SLC12A3: variants seen among roughly 807,000 people sequenced by gnomAD.
The protein encoded by SLC12A3 is solute carrier family 12 member 3, also known as Na-Cl cotransporter.
In SLC12A3, 104 loss-of-function variants were observed where a neutral mutation model predicts 121.0. The observed-to-expected ratio is 0.86, with a 90% CI of 0.73 to 1.01. The LOEUF is 1.01. Ranked by LOEUF, SLC12A3 falls within the 50% of genes least tolerant of loss-of-function variation. The pLI, the probability that SLC12A3 is intolerant of heterozygous loss-of-function variation, is 0.00. For synonymous variants in SLC12A3, 536 were observed against 533.4 expected, an observed-to-expected ratio of 1.00 and a Z score of -0.07; for missense variants, 1,328 against 1,356.3, an observed-to-expected ratio of 0.98 and a Z score of 0.33.
intron 22 of SLC12A3, 77 bp from the exon 23 acceptor site, chr16:56,899,453 C>T (rs1313761034): frequency 1.6e-5 from 18 of 1,096,338 alleles, no homozygotes; most frequent in Non-Finnish European, 2.4e-5. Context: ...TGCACCACTG[C>T]ACTCCAGCCT....
In SLC12A3 at chr16:56,869,837, C is replaced by T. The variant is rs2055066866; in HGVS notation, c.601+13C>T. The T allele has an allele frequency of 6.2e-7, 1 of 1,610,574 alleles. No individual in the cohort carries two copies. The highest frequency in any genetic ancestry group is 8.5e-7 in the Non-Finnish European group (1 of 1,176,850). On this transcript the variant is annotated intron_variant, in intron 4 of 25. Coordinates refer to ENST00000563236, the MANE Select transcript of SLC12A3 (RefSeq NM_001126108.2). The stretch of plus-strand genomic sequence containing the variant: ...AAGGTCAAGTCAGGTGGGCCATCCC[C>T]CTTTCCACCAAGGCCCTCCTCTCGT...
chr16:56,892,917 G>A (rs1229337899), intron 20 of SLC12A3, 36 bp from the exon 21 acceptor site: 9 of 1,573,116 alleles, frequency 5.7e-6, no homozygotes, highest in African/African-American at 2.7e-5. Flanking sequence ...ATGCGCGGCT[G>A]CTGGCTCTGC....
chr16:56,907,339 TC>T (rs2055621666), intron 25 of SLC12A3, among the ~76,000 whole-genome samples: 1 of 151,986 alleles, frequency 6.6e-6, no homozygotes, highest in African/African-American at 2.4e-5. Flanking sequence ...ACACCTGTAA[TC>T]CCAGCTACTT....
At chr16:56,899,155 A>G (rs980566446) in intron 22 of SLC12A3, among the ~76,000 whole-genome samples, 3 of 152,138 alleles carry the variant, frequency 2.0e-5, no homozygotes, top group Admixed American at 6.5e-5. Flanking sequence ...GCTTTGATCT[A>G]TTTTCCTCAC....
At chr16:56,891,893 G>A (rs1376463067) in intron 19 of SLC12A3, among the ~76,000 whole-genome samples, 190 bp from the exon 20 acceptor site, 5 of 152,164 alleles carry the variant, frequency 3.3e-5, no homozygotes, top group African/African-American at 4.8e-5. Flanking sequence ...GAGGCCATGC[G>A]CGACTGGAAT....
In SLC12A3 at chr16:56,878,190, G is replaced by A. The variant is rs200793069; in HGVS notation, c.1180+29G>A. 38 of 1,556,578 alleles carry A rather than the reference G, an allele frequency of 2.4e-5. No individual in the cohort carries two copies. In the East Asian group the frequency reaches 7.2e-4, roughly 29 times the overall value. ...AGTGGCCGGCCCAGCCAGTCAGGAGGGGGAGGGACCTGGCCTCCACCCTGC... is the reference window on the plus strand; with the variant it reads ...AGTGGCCGGCCCAGCCAGTCAGGAGAGGGAGGGACCTGGCCTCCACCCTGC... On this transcript the variant is annotated intron_variant, in intron 9 of 25. Transcript: ENST00000563236.
At chr16:56,883,739 TC>T (rs1197809187) in intron 13 of SLC12A3, among the ~76,000 whole-genome samples, 9 of 152,248 alleles carry the variant, frequency 5.9e-5, no homozygotes, top group Non-Finnish European at 1.2e-4. Context: ...ATCATGTCCT[TC>T]CCCCTCCATC....
chr16:56,899,382 G>A (rs1034396115), intron 22 of SLC12A3, 148 bp from the exon 23 acceptor site: 16 of 683,114 alleles, frequency 2.3e-5, no homozygotes, highest in East Asian at 8.6e-5. Flanking sequence ...CCAACTACTC[G>A]GGAGGCTGGG....
At position 56,913,302 on chromosome 16, in the gene SLC12A3, C is replaced by G. The variant is rs141867836; in HGVS notation, c.2963C>G (p.Ser988Trp). Residue 988 changes from serine (S) to tryptophan (W), a missense_variant, in exon 26 of 26, where the codon TCG (serine) becomes TGG (tryptophan). By Grantham distance (177) the Ser-to-Trp change is radical. Transcript: ENST00000563236. ...GGGAGGAAGGGGAAGTGCCCCAGCTCGCTGTACATGGCCTGGCTGGAGACC... is the reference window on the plus strand; with the variant it reads ...GGGAGGAAGGGGAAGTGCCCCAGCTGGCTGTACATGGCCTGGCTGGAGACC... The part of the protein sequence containing the change: ...PIGRKGKCPS[S>W]LYMAWLETLS... 1 of 1,614,202 alleles carries G rather than the reference C, an allele frequency of 6.2e-7. No individual in the cohort carries two copies. The highest frequency in any genetic ancestry group is 1.1e-5 in the South Asian group (1 of 91,082).
chr16:56,904,737 CT>C, intron 25 of SLC12A3: 4 of 435,864 alleles, frequency 9.2e-6, no homozygotes, highest in African/African-American at 2.0e-5. Flanking sequence ...TGTTGGCTGC[CT>C]TTTCCTACCA....
chr16:56,872,526 G>C, intron 7 of SLC12A3, 64 bp downstream of exon 7: 2 of 1,585,130 alleles, frequency 1.3e-6, no homozygotes, highest in South Asian at 2.2e-5. Flanking sequence ...CAGGAATCTG[G>C]CCCATTGTGT....
At chr16:56,913,219 G>C in intron 25 of SLC12A3, 45 bp from the exon 26 acceptor site, 2 of 1,613,648 alleles carry the variant, frequency 1.2e-6, no homozygotes, top group Non-Finnish European at 1.7e-6. Flanking sequence ...CGTGTGGAGC[G>C]GCCCCGTGGT....
Position 56,870,704 on chromosome 16 carries a change from A to G in SLC12A3, c.820A>G (p.Ile274Val). The change falls in exon 6 of 26, where the codon ATC (isoleucine) becomes GTC (valine). Residue 274 changes from isoleucine to valine, a missense_variant. By Grantham distance (29) the Ile-to-Val change is conservative. Transcript: ENST00000563236. Reference protein sequence around the residue: ...AVVSVTVLLAISLAGMEWESK... With the variant: ...AVVSVTVLLAVSLAGMEWESK... ...GGTCTCGGTCACTGTGCTGCTGGCC[A>G]TCTCCCTGGCTGGCATGGAGTGGGA... The G allele has an allele frequency of 6.2e-7, 1 of 1,613,744 alleles. No individual in the cohort carries two copies. The highest frequency in any genetic ancestry group is 8.5e-7 in the Non-Finnish European group (1 of 1,179,698).
intron 18 of SLC12A3, among the ~76,000 whole-genome samples, chr16:56,889,271 C>T (rs1318033334): frequency 6.6e-6 from 1 of 152,190 alleles, no homozygotes; most frequent in Admixed American, 6.5e-5. Flanking sequence ...TGATCTCCAG[C>T]CTCCCTCCAG....
At chr16:56,905,620 C>T (rs1465228997) in intron 25 of SLC12A3, among the ~76,000 whole-genome samples, 2 of 152,034 alleles carry the variant, frequency 1.3e-5, no homozygotes, top group African/African-American at 2.4e-5. Flanking sequence ...AAGCCAGGAC[C>T]AACTACACAA....
chr16:56,906,740 A>C, intron 25 of SLC12A3: 1 of 694,834 alleles, frequency 1.4e-6, no homozygotes, highest in East Asian at 3.0e-5. Context: ...GTGGCAAGAC[A>C]ACTAGCTTTG....
chr16:56,866,614 G>T (rs1217866486), intron 1 of SLC12A3, among the ~76,000 whole-genome samples: 1 of 152,084 alleles, frequency 6.6e-6, no homozygotes, highest in Admixed American at 6.5e-5. Context: ...GCTCTCCTAG[G>T]GGGAGGAGGT....
chr16:56,880,359 G>C, intron 12 of SLC12A3, 106 bp downstream of exon 12: 2 of 1,402,942 alleles, frequency 1.4e-6, no homozygotes, highest in East Asian at 2.5e-5. Flanking sequence ...TCCCCGCCGG[G>C]CCTGACAGTT....
rs1567446813 is a variant in SLC12A3, at chr16:56,902,485, G to T, written c.2833G>T (p.Glu945Ter). 1 of 1,201,776 alleles carries T rather than the reference G, an allele frequency of 8.3e-7. No homozygotes were observed. Among genetic ancestry groups the T allele is most frequent in the Non-Finnish European group, 1.2e-6 (1 of 857,606 alleles). The allele number at this position is 1,201,776 out of a possible 1,614,324, so 74.4% of individuals were successfully genotyped here. Residue 945 changes from glutamate (E) to a stop codon, truncating the protein, a stop_gained, in exon 24 of 26, where the codon GAG becomes TAG. Transcript: ENST00000563236. LOFTEE classifies it high-confidence loss of function. ...RDCPWKISDE[E>*]ITKNRVKSLR... ...CTGCCCCTGGAAGATCTCAGATGAG[G>T]AGATTACGAAGAACAGAGTCAAGGT...
Sources: gnomAD v4.1 joint callset for allele counts (sites outside exome capture counted in the v4.1 genomes callset) on GRCh38, gnomAD v4.1.1 for gene constraint, MANE v1.5 for transcripts, NCBI Gene and HGNC (gene_info 2026-07-23, HGNC 2026-07-21) for gene names.